Variants in RAD51B observed in about 807,000 individuals in gnomAD.
RAD51B encodes DNA repair protein RAD51 homolog 2.
Under a neutral mutation model 42.2 loss-of-function variants are expected in RAD51B, and 38 were observed. The observed-to-expected ratio is 0.90, with a 90% CI of 0.70 to 1.18. The LOEUF (loss-of-function observed/expected upper bound fraction) is 1.18. RAD51B is among the 50% of genes most tolerant of loss of function. The probability of loss-of-function intolerance (pLI) is 0.00; values close to 1 mark genes in which losing one functional copy is unlikely to be tolerated. For synonymous variants in RAD51B, 154 were observed against 145.2 expected, an observed-to-expected ratio of 1.06 and a Z score of -0.43; for missense variants, 373 against 400.7, an observed-to-expected ratio of 0.93 and a Z score of 0.59.
intron 10 of RAD51B, among the ~76,000 whole-genome samples, chr14:68,499,137 G>C (rs141594489): frequency 6.4e-4 from 97 of 152,298 alleles, no homozygotes; most frequent in African/African-American, 2.3e-3. Flanking sequence ...TTTGCCAGAA[G>C]GGGGCTCATC....
intron 8 of RAD51B, among the ~76,000 whole-genome samples, chr14:68,352,423 T>C (rs1216678173): frequency 6.6e-6 from 1 of 152,246 alleles, no homozygotes; most frequent in Non-Finnish European, 1.5e-5. Context: ...ACATGTCTGC[T>C]AACTCTTCCA....
At chr14:67,966,973 A>T (rs746953294) in intron 7 of RAD51B, among the ~76,000 whole-genome samples, 2 of 152,182 alleles carry the variant, frequency 1.3e-5, no homozygotes, top group African/African-American at 2.4e-5. Flanking sequence ...CATGCAGCTG[A>T]TAAAGACATA....
At chr14:68,110,612 C>T (rs1310973056) in intron 7 of RAD51B, among the ~76,000 whole-genome samples, 1 of 151,984 alleles carries the variant, frequency 6.6e-6, no homozygotes, top group Non-Finnish European at 1.5e-5. Context: ...GCTAAACACC[C>T]TAATAACATT....
At chr14:68,143,503 C>T (rs1281029346) in intron 7 of RAD51B, among the ~76,000 whole-genome samples, 2 of 152,214 alleles carry the variant, frequency 1.3e-5, no homozygotes, top group Admixed American at 6.5e-5. Context: ...GCTTCATTTC[C>T]TGGCCCGGCT....
rs563338745 is a variant in RAD51B at position 68,400,897 on chromosome 14, A to ATT, written c.854-10518_854-10517dup. ...ATTTCACTACAAGTCACCATTCAGG[A>ATT]TTTTTTTTTTCCTTTCCTTAAGTAG... On this transcript the variant is annotated intron_variant, in intron 8 of 10. Coordinates refer to ENST00000471583, the MANE Select transcript of RAD51B (RefSeq NM_133510.4). Among the ~76,000 whole-genome samples the ATT allele has an allele frequency of 7.4e-4, 111 of 150,730 alleles. 1 individual carries two copies. Among genetic ancestry groups the ATT allele is most frequent in the African/African-American group, 2.7e-3 (109 of 41,122 alleles).
At chr14:68,589,785 C>A (rs542871098) in intron 10 of RAD51B, among the ~76,000 whole-genome samples, 4 of 152,348 alleles carry the variant, frequency 2.6e-5, no homozygotes, top group Admixed American at 2.6e-4. Context: ...TCTGTCCCAG[C>A]AGCCCTGAAT....
intron 7 of RAD51B, among the ~76,000 whole-genome samples, chr14:68,070,661 T>G (rs541513502): frequency 1.3e-5 from 2 of 152,358 alleles, no homozygotes; most frequent in East Asian, 3.9e-4. Context: ...AACAGTACCA[T>G]GCTGTTTTAG....
intron 5 of RAD51B, among the ~76,000 whole-genome samples, chr14:67,875,895 G>T (rs2042710246): frequency 6.6e-6 from 1 of 152,146 alleles, no homozygotes; most frequent in African/African-American, 2.4e-5. Context: ...ATATTTGCTT[G>T]TTGGTATAAA....
intron 7 of RAD51B, among the ~76,000 whole-genome samples, chr14:68,052,257 T>G (rs1282148933): frequency 6.6e-6 from 1 of 152,204 alleles, no homozygotes; most frequent in Non-Finnish European, 1.5e-5. Context: ...ACCATCAAAG[T>G]GTATTTCTTT....
At chr14:68,159,801 T>C (rs1160333975) in intron 7 of RAD51B, among the ~76,000 whole-genome samples, 2 of 152,216 alleles carry the variant, frequency 1.3e-5, no homozygotes, top group Non-Finnish European at 2.9e-5. Flanking sequence ...TCCAGATGTT[T>C]GTCATGTGCT....
At chr14:68,232,373 A>G (rs2080165620) in intron 7 of RAD51B, among the ~76,000 whole-genome samples, 1 of 152,298 alleles carries the variant, frequency 6.6e-6, no homozygotes, top group Admixed American at 6.5e-5. Context: ...AAAAGAAAAA[A>G]AAAGAAAAGA....
intron 8 of RAD51B, among the ~76,000 whole-genome samples, chr14:68,390,846 AAG>A (rs2083728222): frequency 6.6e-6 from 1 of 152,228 alleles, no homozygotes; most frequent in African/African-American, 2.4e-5. Flanking sequence ...TACATAGAGA[AAG>A]AGCGTCAGAG....
chr14:68,088,406 T>A (rs1020889388), intron 7 of RAD51B, among the ~76,000 whole-genome samples: 1 of 152,132 alleles, frequency 6.6e-6, no homozygotes, highest in Non-Finnish European at 1.5e-5. Flanking sequence ...TTTTGTTTTT[T>A]TAATAGAGAG....
chr14:68,151,050 G>A (rs2078368409), intron 7 of RAD51B, among the ~76,000 whole-genome samples: 1 of 151,940 alleles, frequency 6.6e-6, no homozygotes, highest in African/African-American at 2.4e-5. Flanking sequence ...TACTGAATGA[G>A]ATTTACCTGA....
At position 68,504,935 on chromosome 14, in the gene RAD51B, G is replaced by A. The variant is rs542448039; in HGVS notation, c.1036+36685G>A. On this transcript the variant is annotated intron_variant, in intron 10 of 10. Transcript: ENST00000487270. ...CTGCAGACCTGCAAGAGGCCAGGGC[G>A]TTTCAGCAAGGGGTCCATAACTCTT... 1.4e-4 allele frequency among the ~76,000 whole-genome samples: 22 copies of A among 152,178 alleles called. No homozygotes were observed. In the South Asian group the frequency reaches 2.7e-3, roughly 19 times the overall value.
At chr14:68,395,236 T>C (rs923571113) in intron 8 of RAD51B, among the ~76,000 whole-genome samples, 2 of 152,214 alleles carry the variant, frequency 1.3e-5, no homozygotes, top group Non-Finnish European at 2.9e-5. Flanking sequence ...TCCTATGAAA[T>C]TAGCCTCTCT....
intron 8 of RAD51B, among the ~76,000 whole-genome samples, chr14:68,307,402 ATTCAC>A (rs1008984355): frequency 6.6e-6 from 1 of 152,196 alleles, no homozygotes; most frequent in Admixed American, 6.5e-5. Context: ...AGCATATCCG[ATTCAC>A]AGCCTTACTT....
intron 10 of RAD51B, among the ~76,000 whole-genome samples, chr14:68,505,546 C>CTTTT (rs34764928): frequency 2.5e-4 from 28 of 112,080 alleles, no homozygotes; most frequent in Non-Finnish European, 3.6e-4. Flanking sequence ...ATTAGCCAAT[C>CTTTT]TTTTTTTTTT....
chr14:68,253,037 C>G (rs1394590253), intron 7 of RAD51B, among the ~76,000 whole-genome samples: 1 of 150,198 alleles, frequency 6.7e-6, no homozygotes, highest in Non-Finnish European at 1.5e-5. Context: ...GAGCCAAGAT[C>G]ATGCCATTGC....
Sources: gnomAD v4.1 joint callset for allele counts (sites outside exome capture counted in the v4.1 genomes callset) on GRCh38, gnomAD v4.1.1 for gene constraint, MANE v1.5 for transcripts, NCBI Gene and HGNC (gene_info 2026-07-23, HGNC 2026-07-21) for gene names.